The following SLC35F4 variants were observed in gnomAD, a reference collection of about 807,000 sequenced individuals.
The protein encoded by SLC35F4 is solute carrier family 35 member F4.
SLC35F4 carries 24 observed loss-of-function variants against 44.2 expected under a neutral mutation model. The ratio of observed to expected loss-of-function variants is 0.54; its 90% CI spans 0.39 to 0.76. The LOEUF is 0.76. Among genes scored for constraint, SLC35F4 ranks in the 30% least tolerant of loss-of-function variants. The pLI is 0.00. For missense variants in SLC35F4, 562 were observed against 586.1 expected (o/e 0.96, Z 0.42); for synonymous variants, 238 against 223.6 (o/e 1.06, Z -0.57).
intron 1 of SLC35F4, among the ~76,000 whole-genome samples, chr14:57,733,820 T>C (rs558096580): frequency 7.3e-6 from 1 of 137,246 alleles, no homozygotes; most frequent in South Asian, 2.5e-4. Context: ...GCAAGCTCAA[T>C]GTGTTATAAA....
intron 1 of SLC35F4, among the ~76,000 whole-genome samples, chr14:57,761,097 A>G (rs189275448): frequency 6.6e-6 from 1 of 152,270 alleles, no homozygotes; most frequent in East Asian, 1.9e-4. Context: ...TCCAGGAATA[A>G]GCTGGGGTGA....
At chr14:57,719,528 AC>A (rs2076028422) in intron 1 of SLC35F4, among the ~76,000 whole-genome samples, 2 of 150,308 alleles carry the variant, frequency 1.3e-5, no homozygotes, top group South Asian at 4.2e-4. Flanking sequence ...ATTTTAGAGA[AC>A]TTTCACTTTT....
intron 1 of SLC35F4, among the ~76,000 whole-genome samples, chr14:57,803,433 T>C (rs989298185): frequency 1.3e-5 from 2 of 152,002 alleles, no homozygotes; most frequent in African/African-American, 2.4e-5. Flanking sequence ...CTATTCAACA[T>C]AGTATTGGAA....
upstream of SLC35F4, among the ~76,000 whole-genome samples, chr14:57,870,875 G>A (rs546284353): frequency 5.3e-5 from 8 of 152,310 alleles, no homozygotes; most frequent in South Asian, 8.3e-4. Flanking sequence ...TAATGATCAC[G>A]TGAGGCAGAC....
At chr14:57,648,384 T>A (rs2073636010) in intron 1 of SLC35F4, among the ~76,000 whole-genome samples, 1 of 152,180 alleles carries the variant, frequency 6.6e-6, no homozygotes, top group African/African-American at 2.4e-5. Flanking sequence ...TAACACTGTA[T>A]ATTTAAAGAA....
intron 1 of SLC35F4, among the ~76,000 whole-genome samples, chr14:57,757,487 T>C (rs1178076583): frequency 2.0e-5 from 3 of 152,116 alleles, no homozygotes; most frequent in African/African-American, 7.2e-5. Flanking sequence ...TTTTAAATGA[T>C]TATATTTTAT....
rs1483420991 is a variant in SLC35F4, at chr14:57,670,951, C to A, written c.104-76827G>T. Among the ~76,000 whole-genome samples the A allele has an allele frequency of 6.6e-5, 9 of 136,722 alleles. No homozygotes were observed. The Admixed American group carries it at 7.3e-4, about 11-fold the overall frequency. 89.7% of individuals were successfully genotyped at this position (136,722 alleles called of 152,430 possible). A position where few individuals can be genotyped will look rare whatever the true frequency, so the allele number is the denominator to read the frequency against. On this transcript the variant is annotated intron_variant, in intron 1 of 7. Coordinates refer to ENST00000556826, the MANE Select transcript of SLC35F4 (RefSeq NM_001306087.2). Reference sequence around the variant, plus strand: ...ACGGAGTCTTGCTCTGTCACCCAGGCTGGAGTGCAGTGGCATGGTCTCAGC... The same window carrying A: ...ACGGAGTCTTGCTCTGTCACCCAGGATGGAGTGCAGTGGCATGGTCTCAGC...
chr14:57,655,676 T>C (rs2073943015), intron 1 of SLC35F4, among the ~76,000 whole-genome samples: 1 of 152,134 alleles, frequency 6.6e-6, no homozygotes, highest in African/African-American at 2.4e-5. Flanking sequence ...CACCCAGAGC[T>C]GTTTCTGCCA....
Position 57,712,393 on chromosome 14 carries a change from C to G in SLC35F4, c.104-118269G>C, listed in dbSNP as rs559526052. ...TTCTATCTGGTTTTAGCACATAAGT[C>G]ATGATTAACAGGGAAATATCCTGCT... On this transcript the variant is annotated intron_variant, in intron 1 of 7. Transcript: ENST00000556826. Among the ~76,000 whole-genome samples the G allele has an allele frequency of 4.6e-5, 7 of 152,308 alleles. 1 individual carries two copies. In the South Asian group the frequency reaches 1.4e-3, roughly 32 times the overall value.
upstream of SLC35F4, among the ~76,000 whole-genome samples, chr14:57,868,437 C>T (rs972691832): frequency 3.3e-5 from 5 of 151,630 alleles, no homozygotes; most frequent in South Asian, 4.2e-4. Context: ...TCATTTTAGA[C>T]GTTATTAACA....
At chr14:57,583,850 T>C (rs238395) in intron 3 of SLC35F4, among the ~76,000 whole-genome samples, 43,038 of 152,106 alleles carry the variant, frequency 0.28, 6,555 homozygotes, top group East Asian at 0.66. Flanking sequence ...TGGATTTTTA[T>C]GGAGAAGCGA....
chr14:57,617,175 G>C (rs1394648480), intron 1 of SLC35F4, among the ~76,000 whole-genome samples: 2 of 120,944 alleles, frequency 1.7e-5, no homozygotes, highest in African/African-American at 6.3e-5. Flanking sequence ...CTGTCGCCCA[G>C]GCTGGAGTGC....
At chr14:57,846,842 C>A (rs868174556) in intron 1 of SLC35F4, among the ~76,000 whole-genome samples, 1 of 152,102 alleles carries the variant, frequency 6.6e-6, no homozygotes, top group East Asian at 1.9e-4. Context: ...ATACCATAGG[C>A]CCCAGCCTAA....
At chr14:57,924,759 T>C (rs1409710968) in intron 1 of SLC35F4, among the ~76,000 whole-genome samples, 1 of 152,000 alleles carries the variant, frequency 6.6e-6, no homozygotes, top group African/African-American at 2.4e-5. Flanking sequence ...CTTTTTTCTT[T>C]CTTTCTTCCT....
chr14:57,902,512 G>T (rs111548269), intron 1 of SLC35F4, among the ~76,000 whole-genome samples: 1 of 150,096 alleles, frequency 6.7e-6, no homozygotes, highest in Non-Finnish European at 1.5e-5. Context: ...GTGGTGAGCC[G>T]AGATCACGCC....
At chr14:57,646,415 G>A (rs115514217) in intron 1 of SLC35F4, among the ~76,000 whole-genome samples, 1 of 152,136 alleles carries the variant, frequency 6.6e-6, no homozygotes, top group Non-Finnish European at 1.5e-5. Flanking sequence ...TTGCGTAGAG[G>A]TATCTATAGT....
intron 1 of SLC35F4, among the ~76,000 whole-genome samples, chr14:57,753,215 C>G (rs910126623): frequency 1.3e-5 from 2 of 152,174 alleles, no homozygotes; most frequent in African/African-American, 4.8e-5. Context: ...CATGTATAAT[C>G]TTCTTGGGAT....
chr14:57,865,630 G>T, intron 1 of SLC35F4, 93 bp downstream of exon 1: 1 of 1,072,608 alleles, frequency 9.3e-7, no homozygotes, highest in Non-Finnish European at 1.3e-6. Context: ...GCAGGTGTCC[G>T]TACCGCGCGC....
At chr14:57,737,098 TTGTGTG>T (rs5808938) in intron 1 of SLC35F4, among the ~76,000 whole-genome samples, 1 of 148,872 alleles carries the variant, frequency 6.7e-6, no homozygotes, top group Admixed American at 6.7e-5. Flanking sequence ...CTTTCTATCT[TTGTGTG>T]TGTGTGTGTG....
Sources: allele counts gnomAD v4.1 joint callset (sites outside exome capture counted in the v4.1 genomes callset), GRCh38; gene constraint gnomAD v4.1.1; transcripts MANE v1.5; gene names NCBI Gene and HGNC (gene_info 2026-07-23, HGNC 2026-07-21).